SERPINB8: variants seen among roughly 807,000 people sequenced by gnomAD.
SERPINB8 encodes the protein serpin B8.
Under a neutral mutation model 35.3 loss-of-function variants are expected in SERPINB8, and 25 were observed. That is an observed-to-expected ratio of 0.71 (90% CI 0.52 to 0.99). SERPINB8 has a LOEUF of 0.99. Ranked by LOEUF, SERPINB8 falls within the 50% of genes least tolerant of loss-of-function variation. The pLI is 0.00. For synonymous variants in SERPINB8, 186 were observed against 160.8 expected (o/e 1.16, Z -1.19); for missense variants, 484 against 446.5 (o/e 1.08, Z -0.76).
chr18:64,014,629 T>C (rs568507949), intron 7 of SERPINB8, among the ~76,000 whole-genome samples: 2 of 152,306 alleles, frequency 1.3e-5, no homozygotes, highest in Admixed American at 1.3e-4. Context: ...AAATAATATA[T>C]CTTGTTTTTG....
downstream of SERPINB8, among the ~76,000 whole-genome samples, chr18:63,994,050 C>T (rs2050837006): frequency 2.0e-5 from 3 of 152,060 alleles, no homozygotes; most frequent in Admixed American, 2.0e-4. Flanking sequence ...TCCATCCTTC[C>T]CCCATCCCAT....
chr18:64,007,017 TAGAG>T (rs202227470), downstream of SERPINB8, among the ~76,000 whole-genome samples: 5,224 of 151,730 alleles, frequency 0.034, 119 homozygotes, highest in Middle Eastern at 0.058. Context: ...AACAATATAA[TAGAG>T]AGGATCTAAA....
intron 1 of SERPINB8, among the ~76,000 whole-genome samples, chr18:63,997,628 A>T (rs941366846): frequency 6.6e-6 from 1 of 152,218 alleles, no homozygotes. Flanking sequence ...GCAAAGCTTT[A>T]TAAAGTATGG....
chr18:63,997,975 C>G (rs1218953972), intron 1 of SERPINB8, among the ~76,000 whole-genome samples: 1 of 152,186 alleles, frequency 6.6e-6, no homozygotes, highest in East Asian at 1.9e-4. Flanking sequence ...TGCCTCTGAT[C>G]CATGAGAGGA....
At chr18:63,979,564 T>C (rs2050636411) in intron 2 of SERPINB8, among the ~76,000 whole-genome samples, 1 of 152,128 alleles carries the variant, frequency 6.6e-6, no homozygotes, top group African/African-American at 2.4e-5. Flanking sequence ...ATCTAGTGGA[T>C]GGAAGCCAGA....
At chr18:64,002,192 G>C (rs1012411820) in intron 1 of SERPINB8, among the ~76,000 whole-genome samples, 4 of 152,180 alleles carry the variant, frequency 2.6e-5, no homozygotes, top group Non-Finnish European at 4.4e-5. Flanking sequence ...GCAGCCCAGG[G>C]ACAGAACCAC....
At chr18:64,019,600 A>G (rs1374205138) in exon 8 of SERPINB8, 2 of 152,060 alleles carry the variant, frequency 1.3e-5, no homozygotes, top group African/African-American at 4.8e-5. Context: ...TATCTACCCC[A>G]TGTTTAATAC....
chr18:63,981,267 A>T (rs73961856), intron 3 of SERPINB8, among the ~76,000 whole-genome samples: 3,371 of 152,332 alleles, frequency 0.022, 129 homozygotes, highest in African/African-American at 0.076. Context: ...CCTTCTTTGC[A>T]GTTCAACACG....
intron 1 of SERPINB8, among the ~76,000 whole-genome samples, chr18:63,972,302 G>A (rs894490101): frequency 1.3e-5 from 2 of 152,122 alleles, no homozygotes; most frequent in Non-Finnish European, 2.9e-5. Context: ...TGAACTTTAC[G>A]TATATGGAAT....
chr18:63,979,016 G>A (rs2050627311), intron 2 of SERPINB8, among the ~76,000 whole-genome samples: 1 of 152,146 alleles, frequency 6.6e-6, no homozygotes. Flanking sequence ...AACGAGGTGT[G>A]GGATAATGCT....
intron 7 of SERPINB8, among the ~76,000 whole-genome samples, chr18:64,016,189 A>G (rs2050949197): frequency 6.6e-6 from 1 of 152,300 alleles, no homozygotes; most frequent in African/African-American, 2.4e-5. Context: ...TGCTCAGTCA[A>G]GTCCTTCATC....
intron 1 of SERPINB8, among the ~76,000 whole-genome samples, chr18:63,973,264 T>C (rs2050522320): frequency 6.6e-6 from 1 of 152,260 alleles, no homozygotes; most frequent in African/African-American, 2.4e-5. Flanking sequence ...TTTTTTCACG[T>C]GTCTGTTGCC....
intron 1 of SERPINB8, among the ~76,000 whole-genome samples, chr18:63,976,908 A>ATT (rs745947504): frequency 6.9e-6 from 1 of 144,512 alleles, no homozygotes; most frequent in Admixed American, 6.9e-5. Context: ...TTAAAAAGTA[A>ATT]TTTTTTTTTT....
chr18:64,013,085 C>CA (rs1395299703), intron 7 of SERPINB8, among the ~76,000 whole-genome samples: 2 of 151,978 alleles, frequency 1.3e-5, no homozygotes, highest in Non-Finnish European at 2.9e-5. Context: ...AAGAAGTTCA[C>CA]AATTTTTTTT....
rs548381235 is a variant in SERPINB8 at position 63,979,296 on chromosome 18, C to G, written c.169-505C>G. Among the ~76,000 whole-genome samples, 6 of 152,286 alleles carry G rather than the reference C, an allele frequency of 3.9e-5. No individual in the cohort carries two copies. In the East Asian group the frequency reaches 1.2e-3, roughly 29 times the overall value. On this transcript the variant is annotated intron_variant, in intron 2 of 6. Coordinates refer to ENST00000397985, the MANE Select transcript of SERPINB8 (RefSeq NM_002640.4). ...GGTCTGGAGAACTTCTGTAAAATTGCAGATGAAACATTTTTAGTTTTATTG... is the reference window on the plus strand; with the variant it reads ...GGTCTGGAGAACTTCTGTAAAATTGGAGATGAAACATTTTTAGTTTTATTG...
At chr18:63,994,967 A>G (rs1242066372) in intron 1 of SERPINB8, among the ~76,000 whole-genome samples, 1 of 152,160 alleles carries the variant, frequency 6.6e-6, no homozygotes, top group East Asian at 1.9e-4. Context: ...GGAGGCAAAG[A>G]TGACTATCCG....
exon 8 of SERPINB8, chr18:64,019,529 A>T (rs2050966527): frequency 6.6e-6 from 1 of 152,196 alleles, no homozygotes; most frequent in African/African-American, 2.4e-5. Context: ...ACTTTCCAGT[A>T]GCTAACCAGT....
chr18:63,986,514 C>G (rs1044384183), intron 6 of SERPINB8: 2 of 1,349,168 alleles, frequency 1.5e-6, no homozygotes, highest in Non-Finnish European at 1.9e-6. Context: ...CAAACAATCT[C>G]TCCCACTCAC....
At chr18:63,991,330 G>A (rs977165992), downstream of SERPINB8, among the ~76,000 whole-genome samples, 18 of 152,166 alleles carry the variant, frequency 1.2e-4, no homozygotes, top group Admixed American at 3.9e-4. Context: ...GCAATATTGA[G>A]TCTTCCAACC....
Sources: allele counts gnomAD v4.1 joint callset (sites outside exome capture counted in the v4.1 genomes callset), GRCh38; gene constraint gnomAD v4.1.1; transcripts MANE v1.5; gene names NCBI Gene and HGNC (gene_info 2026-07-23, HGNC 2026-07-21).